SCAMP1: variants seen among roughly 807,000 people sequenced by gnomAD.
SCAMP1 encodes secretory carrier membrane protein 1, also known as secretory carrier-associated membrane protein 1.
In SCAMP1, 15 loss-of-function variants were observed where a neutral mutation model predicts 41.8. The ratio of observed to expected loss-of-function variants is 0.36; its 90% CI spans 0.24 to 0.55. The LOEUF is 0.55. SCAMP1 is among the 20% of genes least tolerant of loss of function. The probability of loss-of-function intolerance (pLI) is 0.86; values close to 1 mark genes in which losing one functional copy is unlikely to be tolerated. For missense variants in SCAMP1, 341 were observed against 412.6 expected (o/e 0.83, Z 1.50); for synonymous variants, 135 against 136.8 (o/e 0.99, Z 0.09).
intron 1 of SCAMP1, among the ~76,000 whole-genome samples, chr5:78,381,894 T>C (rs1217484920): frequency 6.6e-6 from 1 of 152,226 alleles, no homozygotes; most frequent in Non-Finnish European, 1.5e-5. Context: ...ATTTGTGTTT[T>C]GTTTTATAGT....
intron 7 of SCAMP1, among the ~76,000 whole-genome samples, chr5:78,450,925 A>G (rs192640069): frequency 8.6e-4 from 131 of 152,366 alleles, no homozygotes; most frequent in Admixed American, 1.7e-3. Context: ...GAAAATTTAT[A>G]TAGATATTTA....
intron 1 of SCAMP1, chr5:78,360,986 T>G: frequency 2.2e-6 from 1 of 460,260 alleles, no homozygotes; most frequent in East Asian, 4.1e-5. Flanking sequence ...GGGTCGTGTC[T>G]GCAGCCGGGA....
chr5:78,459,363 G>C lies in SCAMP1; in HGVS notation c.852+1G>C. The stretch of plus-strand genomic sequence containing the variant: ...CATCTCACTAGTTATGTTCAAAAAA[G>C]TAAGTGAAATTTTATGTCTAAATTT... On this transcript the variant is annotated splice_donor_variant, in intron 8 of 8. Transcript: ENST00000621999. LOFTEE classifies it high-confidence loss of function. 7.1e-7 allele frequency: 1 copy of C among 1,415,418 alleles called. No individual in the cohort carries two copies. The highest frequency in any genetic ancestry group is 9.9e-7 in the Non-Finnish European group (1 of 1,009,096). 87.7% of individuals were successfully genotyped at this position (1,415,418 alleles called of 1,614,324 possible).
chr5:78,456,039 A>G (rs1753389198), intron 7 of SCAMP1, among the ~76,000 whole-genome samples: 15 of 78,044 alleles, frequency 1.9e-4, no homozygotes, highest in Middle Eastern at 4.0e-3. Flanking sequence ...TTTGCTTGGT[A>G]GATCTTCCTC....
At chr5:78,368,114 A>C (rs1285135293) in intron 1 of SCAMP1, among the ~76,000 whole-genome samples, 1 of 152,152 alleles carries the variant, frequency 6.6e-6, no homozygotes, top group East Asian at 1.9e-4. Context: ...TTTCTTTTTA[A>C]TCTTACCAGA....
chr5:78,418,669 G>A (rs1259883869), intron 4 of SCAMP1, 106 bp from the exon 5 acceptor site: 22 of 738,314 alleles, frequency 3.0e-5, no homozygotes, highest in Admixed American at 6.7e-5. Flanking sequence ...CAGTTTTTCT[G>A]AACTTTTGTT....
At chr5:78,436,886 C>T in intron 6 of SCAMP1, among the ~76,000 whole-genome samples, 1 of 152,090 alleles carries the variant, frequency 6.6e-6, no homozygotes, top group East Asian at 1.9e-4. Context: ...TGTTTGTGCC[C>T]TCTTTTATTT....
At position 78,475,940 on chromosome 5, in the gene SCAMP1, G is replaced by T. The variant is rs1221967308; in HGVS notation, c.*272G>T. ...GGATGACATTCAGTGAATTATTTCA[G>T]TGGTGACCCACTGAAAATTAATAAT... On this transcript the variant is annotated 3_prime_UTR_variant, in exon 9 of 9. Transcript: ENST00000621999. 2 of 199,670 alleles carry T rather than the reference G, an allele frequency of 1.0e-5. No individual in the cohort carries two copies. Among genetic ancestry groups the T allele is most frequent in the Non-Finnish European group, 2.0e-5 (2 of 98,896 alleles). The allele number at this position is 199,670 out of a possible 1,614,324, so 12.4% of individuals were successfully genotyped here. A position where few individuals can be genotyped will look rare whatever the true frequency, so the allele number is the denominator to read the frequency against.
At chr5:78,367,487 T>A (rs1010297016) in intron 1 of SCAMP1, among the ~76,000 whole-genome samples, 1 of 152,224 alleles carries the variant, frequency 6.6e-6, no homozygotes, top group African/African-American at 2.4e-5. Context: ...GTCTTTCATG[T>A]AGCCTCTCTA....
chr5:78,479,841 A>G lies in SCAMP1; in HGVS notation c.*4173A>G, dbSNP rs190863146. Among the ~76,000 whole-genome samples, 470 of 151,988 alleles carry G rather than the reference A, an allele frequency of 3.1e-3. 1 individual carries two copies. The highest frequency in any genetic ancestry group is 9.4e-3 in the African/African-American group (388 of 41,470). ...GCGGATCACGAGGTCAGGAGATCGA[A>G]ACCATCCTGGCTAACATGGTGAAAC... On this transcript the variant is annotated 3_prime_UTR_variant, in exon 9 of 9. Transcript: ENST00000621999.
chr5:78,366,476 C>A (rs1011332922), intron 1 of SCAMP1, among the ~76,000 whole-genome samples: 1 of 152,022 alleles, frequency 6.6e-6, no homozygotes, highest in African/African-American at 2.4e-5. Context: ...GATATTAATC[C>A]CATTCTTGAG....
At chr5:78,437,317 T>A (rs1457432438) in intron 6 of SCAMP1, among the ~76,000 whole-genome samples, 1 of 152,250 alleles carries the variant, frequency 6.6e-6, no homozygotes, top group Non-Finnish European at 1.5e-5. Flanking sequence ...GCTTCCAGTT[T>A]TTGTCCATTC....
chr5:78,391,790 C>T lies in SCAMP1; in HGVS notation c.135+2876C>T, dbSNP rs188299499. Among the ~76,000 whole-genome samples the T allele has an allele frequency of 3.9e-5, 6 of 152,302 alleles. No homozygotes were observed. The East Asian group carries it at 9.7e-4, about 25-fold the overall frequency. On this transcript the variant is annotated intron_variant, in intron 2 of 8. Transcript: ENST00000621999. ...AAGGCCGAGGCTGGCGGATCACTTG[C>T]GGTTAGGAGCTGGAGACCAGCCTGG...
In SCAMP1 at chr5:78,480,394, GCTTA is replaced by G. The variant is rs933022975; in HGVS notation, c.*4731_*4734del. On this transcript the variant is annotated 3_prime_UTR_variant, in exon 9 of 9. Coordinates refer to ENST00000621999, the MANE Select transcript of SCAMP1 (RefSeq NM_004866.6). Reference sequence around the variant, plus strand: ...TTTTTAAATTCTAGTTATTTTCAGTGCTTACTTAAATGTAATTCTAGAATTCCTC... The same window carrying G: ...TTTTTAAATTCTAGTTATTTTCAGTGCTTAAATGTAATTCTAGAATTCCTC... 6.6e-6 allele frequency among the ~76,000 whole-genome samples: 1 copy of G among 152,100 alleles called. No homozygotes were observed. Among genetic ancestry groups the G allele is most frequent in the Admixed American group, 6.5e-5 (1 of 15,272 alleles).
intron 8 of SCAMP1, among the ~76,000 whole-genome samples, chr5:78,460,777 C>CTTCT (rs1753571276): frequency 2.4e-5 from 1 of 41,154 alleles, no homozygotes; most frequent in African/African-American, 1.7e-4. Flanking sequence ...TCCTTCCTTC[C>CTTCT]TTCCTTCCTT....
At chr5:78,412,665 G>A (rs1288729501) in intron 2 of SCAMP1, among the ~76,000 whole-genome samples, 2 of 152,026 alleles carry the variant, frequency 1.3e-5, no homozygotes, top group Non-Finnish European at 2.9e-5. Context: ...TTGATTACTA[G>A]TGCTGTTACA....
intron 6 of SCAMP1, among the ~76,000 whole-genome samples, chr5:78,429,769 C>A (rs1462900049): frequency 6.6e-6 from 1 of 151,932 alleles, no homozygotes; most frequent in African/African-American, 2.4e-5. Flanking sequence ...TGAGTTTGAT[C>A]CATATTTATT....
rs956230712 is a variant in SCAMP1 at position 78,367,024 on chromosome 5, G to C, written c.57+6296G>C. ...AAAGTATTCTGAGGATTTCCTTTGT[G>C]ATTGTCACATTTTGAAAACTGTCTT... On this transcript the variant is annotated intron_variant, in intron 1 of 8. Transcript: ENST00000621999. Among the ~76,000 whole-genome samples the C allele has an allele frequency of 2.0e-5, 3 of 152,068 alleles. No homozygotes were observed. The South Asian group carries it at 6.2e-4, about 32-fold the overall frequency.
chr5:78,454,926 C>T (rs1352252132), intron 7 of SCAMP1, among the ~76,000 whole-genome samples: 1,586 of 152,006 alleles, frequency 0.01, 11 homozygotes, highest in African/African-American at 0.031. Flanking sequence ...GTGTATGTGT[C>T]GAGGAATTTA....
Sources: allele counts gnomAD v4.1 joint callset (sites outside exome capture counted in the v4.1 genomes callset), GRCh38; gene constraint gnomAD v4.1.1; transcripts MANE v1.5; gene names NCBI Gene and HGNC (gene_info 2026-07-23, HGNC 2026-07-21).